The following ARHGAP24 variants were observed in gnomAD, a reference collection of about 807,000 sequenced individuals.
ARHGAP24 encodes the protein Rho GTPase activating protein 24.
ARHGAP24 carries 50 observed loss-of-function variants against 76.4 expected under a neutral mutation model. That is an observed-to-expected ratio of 0.65 (90% CI 0.52 to 0.83). ARHGAP24 has a LOEUF of 0.83. Ranked by LOEUF, ARHGAP24 falls within the 40% of genes least tolerant of loss-of-function variation. The probability of loss-of-function intolerance (pLI) is 0.00; values close to 1 mark genes in which losing one functional copy is unlikely to be tolerated. For synonymous variants in ARHGAP24, 345 were observed against 323.3 expected (o/e 1.07, Z -0.72); for missense variants, 930 against 914.2 (o/e 1.02, Z -0.22).
intron 3 of ARHGAP24, among the ~76,000 whole-genome samples, chr4:85,798,436 G>A (rs1199097502): frequency 6.6e-6 from 1 of 152,140 alleles, no homozygotes; most frequent in Non-Finnish European, 1.5e-5. Flanking sequence ...GGAGTGATCA[G>A]ACAGTTGTGT....
chr4:85,850,938 G>T (rs1560671184), intron 3 of ARHGAP24, among the ~76,000 whole-genome samples: 1 of 152,180 alleles, frequency 6.6e-6, no homozygotes, highest in African/African-American at 2.4e-5. Flanking sequence ...GATTTGGGGT[G>T]GAGAGTTCTG....
At chr4:85,924,534 T>C (rs796773222) in intron 4 of ARHGAP24, among the ~76,000 whole-genome samples, 16 of 152,320 alleles carry the variant, frequency 1.1e-4, no homozygotes, top group Admixed American at 3.9e-4. Context: ...TATGGTGATA[T>C]AGTTTAAAAT....
intron 3 of ARHGAP24, among the ~76,000 whole-genome samples, chr4:85,821,823 A>G (rs979929044): frequency 6.6e-6 from 1 of 152,252 alleles, no homozygotes; most frequent in Non-Finnish European, 1.5e-5. Context: ...GCTTCCAAAA[A>G]TAACTCGAAT....
intron 2 of ARHGAP24, among the ~76,000 whole-genome samples, chr4:85,660,968 C>T (rs1452408534): frequency 2.0e-5 from 3 of 152,050 alleles, no homozygotes; most frequent in Non-Finnish European, 2.9e-5. Context: ...CAGAAATAGC[C>T]ACAGGCAAAC....
chr4:85,647,712 G>A (rs1289471477), intron 2 of ARHGAP24, among the ~76,000 whole-genome samples: 1 of 152,192 alleles, frequency 6.6e-6, no homozygotes, highest in Non-Finnish European at 1.5e-5. Flanking sequence ...TGATAATGAA[G>A]CACTGAGTAC....
chr4:85,735,428 T>C (rs1219285274), intron 3 of ARHGAP24, among the ~76,000 whole-genome samples: 2 of 152,216 alleles, frequency 1.3e-5, no homozygotes, highest in African/African-American at 2.4e-5. Context: ...ACTAATGACA[T>C]TGATGACAGC....
intron 2 of ARHGAP24, among the ~76,000 whole-genome samples, chr4:85,671,990 G>A (rs1054733558): frequency 2.6e-5 from 4 of 152,104 alleles, no homozygotes; most frequent in Non-Finnish European, 5.9e-5. Context: ...AAGCTTTTGA[G>A]TGAAATGTTA....
chr4:85,640,205 A>G (rs1286465742), intron 2 of ARHGAP24, among the ~76,000 whole-genome samples: 2 of 152,174 alleles, frequency 1.3e-5, no homozygotes, highest in African/African-American at 4.8e-5. Flanking sequence ...ACAGCTATTA[A>G]TAGGAGAGTC....
chr4:85,730,419 T>G (rs567604537), intron 3 of ARHGAP24, among the ~76,000 whole-genome samples: 1 of 146,980 alleles, frequency 6.8e-6, no homozygotes, highest in African/African-American at 2.5e-5. Flanking sequence ...TTTTGTTTTG[T>G]TTTTTGAGAC....
intron 3 of ARHGAP24, among the ~76,000 whole-genome samples, chr4:85,918,931 A>G (rs1735566294): frequency 6.6e-6 from 1 of 152,188 alleles, no homozygotes; most frequent in African/African-American, 2.4e-5. Flanking sequence ...TTAAAATGCG[A>G]ACAAATCTAG....
At chr4:85,997,362 G>T (rs1346661234) in intron 9 of ARHGAP24, among the ~76,000 whole-genome samples, 1 of 128,586 alleles carries the variant, frequency 7.8e-6, no homozygotes, top group Non-Finnish European at 1.5e-5. Flanking sequence ...ATAATAGATA[G>T]ATGATAGATA....
chr4:85,749,476 C>T (rs1208408006), intron 3 of ARHGAP24, among the ~76,000 whole-genome samples: 1 of 152,200 alleles, frequency 6.6e-6, no homozygotes, highest in Non-Finnish European at 1.5e-5. Flanking sequence ...CTGCTCTATT[C>T]TCAGACAATC....
rs113214656 is a variant in ARHGAP24 at position 85,721,536 on chromosome 4, A to C, written c.181-349A>C. Among the ~76,000 whole-genome samples, 806 of 152,330 alleles carry C rather than the reference A, an allele frequency of 5.3e-3. 7 individuals are homozygous for C. Among genetic ancestry groups the C allele is most frequent in the African/African-American group, 0.018 (762 of 41,592 alleles). ...TCACAGCTATAAAATGGGGAAAAGA[A>C]TATCTACCTCATAAGATTATACTAC... On this transcript the variant is annotated intron_variant, in intron 2 of 9. Coordinates refer to ENST00000395184, the MANE Select transcript of ARHGAP24 (RefSeq NM_001025616.3).
Position 85,994,987 on chromosome 4 carries a change from G to A in ARHGAP24, c.1333G>A (p.Gly445Ser). 6.2e-7 allele frequency: 1 copy of A among 1,614,086 alleles called. No individual in the cohort carries two copies. The highest frequency in any genetic ancestry group is 8.5e-7 in the Non-Finnish European group (1 of 1,180,024). Residue 445 changes from glycine (G) to serine (S), a missense_variant, in exon 9 of 10, where the codon GGT (glycine) becomes AGT (serine). Gly to Ser is a moderately conservative substitution (Grantham distance 56). Coordinates refer to ENST00000395184, the MANE Select transcript of ARHGAP24 (RefSeq NM_001025616.3). ...NGSFSSSNAE[G>S]LEKTQTTPNG... ...GTCCTTCAGCAGCAGTAATGCAGAA[G>A]GTCTTGAGAAAACCCAAACCACCCC...
At chr4:85,790,567 C>T (rs13118915) in intron 3 of ARHGAP24, among the ~76,000 whole-genome samples, 50,833 of 151,948 alleles carry the variant, frequency 0.33, 8,597 homozygotes, top group Middle Eastern at 0.38. Context: ...AAAATCTCTC[C>T]TTCACATTTA....
intron 1 of ARHGAP24, among the ~76,000 whole-genome samples, chr4:85,502,361 A>G (rs1311940567): frequency 6.6e-6 from 1 of 152,100 alleles, no homozygotes; most frequent in African/African-American, 2.4e-5. Flanking sequence ...ATGAGCATGG[A>G]ATGTTCTTCC....
chr4:85,542,487 T>C (rs1333034069), intron 1 of ARHGAP24, among the ~76,000 whole-genome samples: 2 of 152,164 alleles, frequency 1.3e-5, no homozygotes, highest in East Asian at 3.9e-4. Context: ...AATGACTCTG[T>C]TGGCGGTAGG....
At chr4:85,807,662 T>A (rs773305374) in intron 3 of ARHGAP24, among the ~76,000 whole-genome samples, 1 of 152,188 alleles carries the variant, frequency 6.6e-6, no homozygotes, top group Non-Finnish European at 1.5e-5. Flanking sequence ...ACTATCCTGA[T>A]GACGGATGGT....
At chr4:85,828,674 T>C (rs1729841228) in intron 3 of ARHGAP24, among the ~76,000 whole-genome samples, 1 of 152,230 alleles carries the variant, frequency 6.6e-6, no homozygotes, top group Non-Finnish European at 1.5e-5. Context: ...ACAACTGCTA[T>C]GTAAGCTTGT....
Sources: gnomAD v4.1 joint callset for allele counts (sites outside exome capture counted in the v4.1 genomes callset) on GRCh38, gnomAD v4.1.1 for gene constraint, MANE v1.5 for transcripts, NCBI Gene and HGNC (gene_info 2026-07-23, HGNC 2026-07-21) for gene names.